The following PEX1 variants were observed in gnomAD, a reference collection of about 807,000 sequenced individuals.
PEX1 encodes peroxisomal biogenesis factor 1.
A neutral mutation model predicts 152.5 loss-of-function variants in PEX1; 97 were observed. The ratio of observed to expected loss-of-function variants is 0.64; its 90% CI spans 0.54 to 0.75. PEX1 has a LOEUF of 0.75. PEX1 is among the 30% of genes least tolerant of loss of function. The pLI is 0.00. For missense variants in PEX1, 1,357 were observed against 1,516.3 expected (o/e 0.89, Z 1.74); for synonymous variants, 485 against 531.6 (o/e 0.91, Z 1.21).
intron 1 of PEX1, among the ~76,000 whole-genome samples, chr7:92,527,463 G>T (rs1793332134): frequency 6.6e-6 from 1 of 152,152 alleles, no homozygotes; most frequent in South Asian, 2.1e-4. Flanking sequence ...GTTTTCAGTG[G>T]ACCAAAAATA....
chr7:92,494,958 G>A (rs1791580167), intron 17 of PEX1, among the ~76,000 whole-genome samples: 4 of 151,638 alleles, frequency 2.6e-5, no homozygotes, highest in South Asian at 2.1e-4. Context: ...GACTAACAGG[G>A]ATCAAAACAA....
intron 6 of PEX1, among the ~76,000 whole-genome samples, chr7:92,512,477 C>CA (rs1408375594): frequency 6.6e-6 from 1 of 151,876 alleles, no homozygotes; most frequent in Admixed American, 6.6e-5. Context: ...CATGTGCCAC[C>CA]ACATGTGTCT....
At position 92,521,547 on chromosome 7, in the gene PEX1, G is replaced by A. The variant is rs536617580; in HGVS notation, c.273+555C>T. Among the ~76,000 whole-genome samples the A allele has an allele frequency of 4.9e-4, 75 of 151,752 alleles. 1 individual carries two copies. In the South Asian group the frequency reaches 8.8e-3, roughly 18 times the overall value. ...CCTCCCAGGTTCAAGCAATTCTCCTGCCTCAGCCTCCTGAGTAGCTGGGAT... is the reference window on the plus strand; with the variant it reads ...CCTCCCAGGTTCAAGCAATTCTCCTACCTCAGCCTCCTGAGTAGCTGGGAT... On this transcript the variant is annotated intron_variant, in intron 2 of 23. Transcript: ENST00000248633.
rs368735728 is a variant in PEX1, at chr7:92,506,463, AAAG to A, written c.1804-122_1804-120del. 43 of 723,674 alleles carry A rather than the reference AAAG, an allele frequency of 5.9e-5. No individual in the cohort carries two copies. In the East Asian group the frequency reaches 1.0e-3, roughly 17 times the overall value. The allele number at this position is 723,674 out of a possible 1,614,324, so 44.8% of individuals were successfully genotyped here. On this transcript the variant is annotated intron_variant, in intron 10 of 23. Transcript: ENST00000248633. ...TTATACAACCTCTTCCAAAAAAACA[AAAG>A]AAGAGGAGAGAATACTTCCCATCTC...
At chr7:92,498,939 T>C (rs1029328334) in intron 16 of PEX1, among the ~76,000 whole-genome samples, 12 of 152,244 alleles carry the variant, frequency 7.9e-5, no homozygotes, top group Non-Finnish European at 1.6e-4. Context: ...TGCATGAAGA[T>C]TGCCTTAAGC....
Position 92,507,043 on chromosome 7 carries a change from G to A in PEX1, c.1754C>T (p.Ser585Phe), listed in dbSNP as rs1792225580. Residue 585 changes from serine (S) to phenylalanine (F), a missense_variant, in exon 10 of 24, where the codon TCT becomes TTT. By Grantham distance (155) the Ser-to-Phe change is radical. Coordinates refer to ENST00000248633, the MANE Select transcript of PEX1 (RefSeq NM_000466.3). The stretch of plus-strand genomic sequence containing the variant: ...TCCATTCCTAAGTCCTGCAACAAGA[G>A]ACATCAGCTGCCGAGACAAAGGGCG... ...LGRPLSRQLM[S>F]LVAGLRNGAL... The A allele has an allele frequency of 1.9e-6, 3 of 1,613,910 alleles. No individual in the cohort carries two copies. Among genetic ancestry groups the A allele is most frequent in the Non-Finnish European group, 2.5e-6 (3 of 1,179,972 alleles).
At chr7:92,515,685 T>A (rs550250190) in intron 5 of PEX1, among the ~76,000 whole-genome samples, 85 of 152,266 alleles carry the variant, frequency 5.6e-4, no homozygotes, top group African/African-American at 2.0e-3. Context: ...ACGGACAGTT[T>A]AAAGCTAACA....
At chr7:92,511,444 TA>T in intron 7 of PEX1, 135 bp downstream of exon 7, 1 of 783,804 alleles carries the variant, frequency 1.3e-6, no homozygotes, top group Non-Finnish European at 2.0e-6. Context: ...TTTCAATACA[TA>T]AAAACTACTG....
chr7:92,509,538 A>G, intron 8 of PEX1, 127 bp from the exon 9 acceptor site: 1 of 686,744 alleles, frequency 1.5e-6, no homozygotes, highest in Non-Finnish European at 2.6e-6. Flanking sequence ...ATGCAAGATC[A>G]TTATTTAAAC....
At chr7:92,508,542 A>T (rs1259927297) in intron 9 of PEX1, among the ~76,000 whole-genome samples, 1 of 152,144 alleles carries the variant, frequency 6.6e-6, no homozygotes, top group Non-Finnish European at 1.5e-5. Flanking sequence ...CATCTCAAAA[A>T]AAAAAAAAGA....
In PEX1 at chr7:92,509,372, C is replaced by T. The variant is rs767103504; in HGVS notation, c.1627G>A (p.Glu543Lys). Residue 543 changes from glutamate to lysine, a missense_variant, in exon 9 of 24, where the codon GAA becomes AAA. By Grantham distance (56) the Glu-to-Lys change is moderately conservative (BLOSUM62 1). Coordinates refer to ENST00000248633, the MANE Select transcript of PEX1 (RefSeq NM_000466.3). ...AAAAAAGGAAGAATAAAGTCAATTT[C>T]CTCACTGTTTTCTTCTTTTACCATA... is the stretch of plus-strand genomic sequence containing the variant. ...DPMVKEENSE[E>K]IDFILPFLKL... 4.3e-6 allele frequency: 7 copies of T among 1,612,962 alleles called. No individual in the cohort carries two copies. In the South Asian group the frequency reaches 7.7e-5, roughly 18 times the overall value.
intron 11 of PEX1, 48 bp from the exon 12 acceptor site, chr7:92,504,950 GA>G (rs1428510392): frequency 4.3e-6 from 6 of 1,385,030 alleles, no homozygotes; most frequent in Non-Finnish European, 2.1e-6. Flanking sequence ...TCAGTGCTGG[GA>G]AAATTCAGGT....
chr7:92,492,708 A>G (rs562432454), intron 20 of PEX1, among the ~76,000 whole-genome samples: 48 of 152,256 alleles, frequency 3.2e-4, no homozygotes, highest in Non-Finnish European at 6.3e-4. Context: ...ATATCCTTGC[A>G]AACACCAACA....
rs2116133200 is a variant in PEX1, at chr7:92,499,833, T to C, written c.2589A>G (p.Pro863=). ...MDTIQLPAKY[P]ELFANLPIRQ... ...GTATGGGCAAGTTTGCAAATAATTCTGGATACTGAGAAACAAAAAAAAAAA... is the reference window on the plus strand; with the variant it reads ...GTATGGGCAAGTTTGCAAATAATTCCGGATACTGAGAAACAAAAAAAAAAA... Residue 863 remains proline (P), a synonymous_variant, in exon 16 of 24, where the codon CCA becomes CCG. Coordinates refer to ENST00000248633, the MANE Select transcript of PEX1 (RefSeq NM_000466.3). 3 of 1,582,196 alleles carry C rather than the reference T, an allele frequency of 1.9e-6. No homozygotes were observed. The highest frequency in any genetic ancestry group is 2.6e-6 in the Non-Finnish European group (3 of 1,166,054).
intron 6 of PEX1, among the ~76,000 whole-genome samples, chr7:92,512,342 T>G (rs190177993): frequency 3.1e-4 from 47 of 151,246 alleles, no homozygotes; most frequent in Admixed American, 2.8e-3. Flanking sequence ...TTTAAAAAAA[T>G]TTTTTTTGAG....
intron 5 of PEX1, among the ~76,000 whole-genome samples, chr7:92,515,684 T>A (rs971183626): frequency 6.6e-6 from 1 of 152,108 alleles, no homozygotes. Context: ...AACGGACAGT[T>A]TAAAGCTAAC....
Position 92,521,879 on chromosome 7 carries a change from G to A in PEX1, c.273+223C>T, listed in dbSNP as rs566682189. On this transcript the variant is annotated intron_variant, in intron 2 of 23. Coordinates refer to ENST00000248633, the MANE Select transcript of PEX1 (RefSeq NM_000466.3). ...CAAAATTAGGGGATGTGGAAAATGA[G>A]TTAAATAGTAGAATAAGAAGCAAGT... 5.9e-5 allele frequency among the ~76,000 whole-genome samples: 9 copies of A among 152,260 alleles called. No homozygotes were observed. In the East Asian group the frequency reaches 1.3e-3, roughly 23 times the overall value.
intron 9 of PEX1, 31 bp from the exon 10 acceptor site, chr7:92,507,157 A>C: frequency 1.2e-6 from 2 of 1,603,494 alleles, no homozygotes; most frequent in Non-Finnish European, 1.7e-6. Flanking sequence ...TACATGATAA[A>C]AGACTGAAGC....
chr7:92,513,531 G>C (rs1792579372), intron 6 of PEX1, among the ~76,000 whole-genome samples: 1 of 152,112 alleles, frequency 6.6e-6, no homozygotes, highest in African/African-American at 2.4e-5. Flanking sequence ...ATACATTAGA[G>C]ATTACCAGGG....
Sources: gnomAD v4.1 joint callset for allele counts (sites outside exome capture counted in the v4.1 genomes callset) on GRCh38, gnomAD v4.1.1 for gene constraint, MANE v1.5 for transcripts, NCBI Gene and HGNC (gene_info 2026-07-23, HGNC 2026-07-21) for gene names.